DEFB119: variants seen among roughly 807,000 people sequenced by gnomAD.
The protein encoded by DEFB119 is defensin beta 119.
DEFB119 carries 3 observed loss-of-function variants against 2.5 expected under a neutral mutation model. That is an observed-to-expected ratio of 1.19 (90% CI 0.54 to 3.07). The LOEUF is 3.07. Ranked by LOEUF, DEFB119 falls within the 30% of genes most tolerant of loss-of-function variation. The pLI, the probability that DEFB119 is intolerant of heterozygous loss-of-function variation, is 0.03. For missense variants in DEFB119, 113 were observed against 101.1 expected (o/e 1.12, Z -0.50); for synonymous variants, 29 against 33.7 (o/e 0.86, Z 0.48).
In DEFB119 at chr20:31,382,181, G is replaced by A. The variant is rs183251254; in HGVS notation, c.62-4742C>T. 8.3e-4 allele frequency among the ~76,000 whole-genome samples: 126 copies of A among 152,266 alleles called. 1 individual carries two copies. The highest frequency in any genetic ancestry group is 1.3e-4 in the Non-Finnish European group (9 of 68,012). On this transcript the variant is annotated intron_variant, in intron 1 of 1. Transcript: ENST00000376321. The stretch of plus-strand genomic sequence containing the variant: ...AAATCTAAGCATTGGAGAAATCTGG[G>A]TGAAGAGTACACAGGACCTCTCTCT...
chr20:31,382,813 A>G (rs991257283), intron 1 of DEFB119, among the ~76,000 whole-genome samples: 2 of 152,268 alleles, frequency 1.3e-5, no homozygotes, highest in Admixed American at 6.5e-5. Context: ...ATAAAACATC[A>G]TCTCAGCCCC....
At chr20:31,380,562 G>T (rs1176934599) in intron 1 of DEFB119, among the ~76,000 whole-genome samples, 1 of 152,242 alleles carries the variant, frequency 6.6e-6, no homozygotes, top group African/African-American at 2.4e-5. Context: ...CACCACGCCT[G>T]GCGGTTATGA....
intron 1 of DEFB119, among the ~76,000 whole-genome samples, chr20:31,386,965 C>G (rs1472130291): frequency 6.6e-6 from 1 of 151,902 alleles, no homozygotes; most frequent in Non-Finnish European, 1.5e-5. Flanking sequence ...AGCCACCATG[C>G]CTGGTTCAAT....
At chr20:31,389,072 T>C in intron 1 of DEFB119, 5 of 1,614,226 alleles carry the variant, frequency 3.1e-6, no homozygotes, top group Non-Finnish European at 4.2e-6. Context: ...GTTGTGGACA[T>C]CTGAGGAGTG....
In DEFB119 at chr20:31,390,448, C is replaced by T; in HGVS notation, c.36G>A (p.Leu12=). 1 of 1,612,690 alleles carries T rather than the reference C, an allele frequency of 6.2e-7. No homozygotes were observed. The highest frequency in any genetic ancestry group is 1.3e-5 in the African/African-American group (1 of 74,828). The part of the protein sequence containing the change: ...KLLYLFLAIL[L]AIEEPVISGK... ...CTGATATCACTGGTTCTTCTATGGC[C>T]AGAAGGATGGCAAGAAACAGGTAAA... is the stretch of plus-strand genomic sequence containing the variant. Residue 12 remains leucine, a synonymous_variant, in exon 1 of 2, where the codon CTG becomes CTA. Coordinates refer to ENST00000376321, the MANE Select transcript of DEFB119 (RefSeq NM_153289.4).
chr20:31,378,528 G>A, intron 1 of DEFB119: 2 of 1,369,338 alleles, frequency 1.5e-6, no homozygotes, highest in South Asian at 1.4e-5. Context: ...TAACTTTAAT[G>A]AAAAAAAAGA....
chr20:31,387,971 TTCTG>T, intron 1 of DEFB119: 4 of 774,552 alleles, frequency 5.2e-6, no homozygotes, highest in Non-Finnish European at 6.3e-6. Context: ...AATGAACTCC[TTCTG>T]TCTGTCTCTA....
intron 1 of DEFB119, among the ~76,000 whole-genome samples, chr20:31,386,036 G>A (rs1986690332): frequency 6.6e-6 from 1 of 152,118 alleles, no homozygotes; most frequent in Non-Finnish European, 1.5e-5. Flanking sequence ...GTAGGGGGCA[G>A]GAGAGGATGG....
rs775468119 is a variant in DEFB119 at position 31,378,397 on chromosome 20, T to A, written c.62-958A>T. The A allele has an allele frequency of 2.5e-6, 4 of 1,614,020 alleles. No homozygotes were observed. The South Asian group carries it at 4.4e-5, about 18-fold the overall frequency. On this transcript the variant is annotated intron_variant, in intron 1 of 1. Transcript: ENST00000376321. Reference sequence around the variant, plus strand: ...TCCCACTGTCCTCACCAGAGCTGTATCAGAGGAGACAAGCCAACAAAGATC... The same window carrying A: ...TCCCACTGTCCTCACCAGAGCTGTAACAGAGGAGACAAGCCAACAAAGATC...
chr20:31,389,389 T>G (rs1344904313), intron 1 of DEFB119, among the ~76,000 whole-genome samples: 1 of 152,114 alleles, frequency 6.6e-6, no homozygotes, highest in Admixed American at 6.5e-5. Flanking sequence ...GAAGAGACCT[T>G]GAGAGGGAAG....
intron 1 of DEFB119, among the ~76,000 whole-genome samples, chr20:31,385,570 G>T (rs1986665723): frequency 6.6e-6 from 1 of 152,088 alleles, no homozygotes; most frequent in African/African-American, 2.4e-5. Flanking sequence ...TAATTGTTAA[G>T]AAATAATGAC....
intron 1 of DEFB119, chr20:31,388,906 G>T: frequency 6.7e-7 from 1 of 1,482,012 alleles, no homozygotes; most frequent in Non-Finnish European, 9.0e-7. Context: ...ACCTCCCCCT[G>T]CCATCCCCCC....
intron 1 of DEFB119, among the ~76,000 whole-genome samples, chr20:31,378,555 G>A (rs561132861): frequency 6.6e-6 from 1 of 152,244 alleles, no homozygotes; most frequent in South Asian, 2.1e-4. Flanking sequence ...ACAGAACTGA[G>A]AGCAACCCAA....
chr20:31,387,917 G>A (rs1249463742), intron 1 of DEFB119, among the ~76,000 whole-genome samples: 1 of 152,162 alleles, frequency 6.6e-6, no homozygotes, highest in African/African-American at 2.4e-5. Flanking sequence ...CAGAGTCTAA[G>A]GGCAGAAATA....
chr20:31,381,142 T>C (rs985546144), intron 1 of DEFB119, among the ~76,000 whole-genome samples: 2 of 152,260 alleles, frequency 1.3e-5, no homozygotes, highest in Admixed American at 1.3e-4. Context: ...GTTCATTAGA[T>C]GTACACTTAA....
chr20:31,386,698 G>A (rs906756689), intron 1 of DEFB119, among the ~76,000 whole-genome samples: 1 of 151,950 alleles, frequency 6.6e-6, no homozygotes, highest in Admixed American at 6.6e-5. Context: ...CTGGTTAAAC[G>A]GATACAAAAT....
chr20:31,385,824 C>T (rs778037699), intron 1 of DEFB119, among the ~76,000 whole-genome samples: 4 of 151,642 alleles, frequency 2.6e-5, no homozygotes, highest in Admixed American at 6.6e-5. Context: ...GAGCCATGAT[C>T]GCACTACTGC....
intron 1 of DEFB119, among the ~76,000 whole-genome samples, chr20:31,379,692 C>T (rs1436084862): frequency 2.0e-5 from 3 of 148,196 alleles, no homozygotes; most frequent in Non-Finnish European, 3.0e-5. Context: ...GAGATGGAGT[C>T]TCTGTCTCTG....
intron 1 of DEFB119, among the ~76,000 whole-genome samples, chr20:31,387,780 G>C (rs923634444): frequency 1.3e-5 from 2 of 152,164 alleles, no homozygotes; most frequent in Non-Finnish European, 2.9e-5. Flanking sequence ...CCAGGACCCA[G>C]CTACTCAAAG....
Sources: gnomAD v4.1 joint callset for allele counts (sites outside exome capture counted in the v4.1 genomes callset) on GRCh38, gnomAD v4.1.1 for gene constraint, MANE v1.5 for transcripts, NCBI Gene and HGNC (gene_info 2026-07-23, HGNC 2026-07-21) for gene names.